NRDC: variants seen among roughly 807,000 people sequenced by gnomAD.
The protein encoded by NRDC is nardilysin convertase.
NRDC carries 54 observed loss-of-function variants against 147.1 expected under a neutral mutation model. The observed-to-expected ratio is 0.37, with a 90% CI of 0.29 to 0.46. NRDC has a LOEUF of 0.46. Ranked by LOEUF, NRDC falls within the 20% of genes least tolerant of loss-of-function variation. The probability of loss-of-function intolerance (pLI) is 1.00; values close to 1 mark genes in which losing one functional copy is unlikely to be tolerated. For missense variants in NRDC, 1,082 were observed against 1,370.6 expected (o/e 0.79, Z 3.33); for synonymous variants, 440 against 482.1 (o/e 0.91, Z 1.14).
In NRDC at chr1:51,823,790, T is replaced by A. The variant is rs1240550051; in HGVS notation, c.1037-4A>T. On this transcript the variant is annotated splice_region_variant and splice_polypyrimidine_tract_variant and intron_variant, in intron 6 of 30. Coordinates refer to ENST00000352171, the MANE Select transcript of NRDC (RefSeq NM_001101662.2). ...TGCTTGAGCGTCTCAGCATTTCCTA[T>A]AAAAGAATGAAAAAAATTATAGATA... The A allele has an allele frequency of 2.5e-6, 4 of 1,578,936 alleles. No homozygotes were observed. Among genetic ancestry groups the A allele is most frequent in the Middle Eastern group, 1.7e-4 (1 of 5,742 alleles).
intron 1 of NRDC, among the ~76,000 whole-genome samples, chr1:51,850,005 C>T (rs1681864843): frequency 1.3e-5 from 2 of 151,912 alleles, no homozygotes; most frequent in Admixed American, 6.6e-5. Context: ...ATGGCGAAAC[C>T]CTTCGCTACT....
intron 26 of NRDC, 24 bp downstream of exon 26, chr1:51,792,022 C>T: frequency 6.2e-7 from 1 of 1,613,794 alleles, no homozygotes; most frequent in African/African-American, 1.3e-5. Context: ...TATTTGAGCT[C>T]AGTGGCCCTG....
intron 29 of NRDC, chr1:51,789,957 G>A: frequency 2.7e-6 from 1 of 376,606 alleles, no homozygotes; most frequent in South Asian, 3.5e-5. Context: ...CCAATTACAT[G>A]GTAGCTGCAT....
intron 22 of NRDC, chr1:51,795,489 G>C: frequency 4.7e-6 from 1 of 211,264 alleles, no homozygotes; most frequent in South Asian, 7.8e-5. Flanking sequence ...AGAAACTAAG[G>C]CTGGTTCTGG....
intron 1 of NRDC, among the ~76,000 whole-genome samples, chr1:51,861,954 G>A (rs1239428474): frequency 6.6e-6 from 1 of 152,060 alleles, no homozygotes; most frequent in African/African-American, 2.4e-5. Flanking sequence ...GGGCCAGGTG[G>A]GTCAAAGCTC....
intron 29 of NRDC, 166 bp from the exon 30 acceptor site, chr1:51,789,823 T>G (rs2149181081): frequency 3.3e-6 from 2 of 605,904 alleles, no homozygotes; most frequent in South Asian, 2.0e-5. Context: ...ATGATGAAGC[T>G]CTCTGGCATG....
At chr1:51,846,316 G>T (rs890732805) in intron 1 of NRDC, among the ~76,000 whole-genome samples, 1 of 152,134 alleles carries the variant, frequency 6.6e-6, no homozygotes, top group South Asian at 2.1e-4. Flanking sequence ...TTTTCACCAT[G>T]TTGGCCAGGC....
chr1:51,878,093 T>C, intron 1 of NRDC, 182 bp downstream of exon 1: 1 of 1,421,302 alleles, frequency 7.0e-7, no homozygotes. Context: ...GATCTCCCAC[T>C]TGCCCAGCTG....
At chr1:51,802,034 G>A (rs1304489931) in intron 20 of NRDC, among the ~76,000 whole-genome samples, 4 of 152,128 alleles carry the variant, frequency 2.6e-5, no homozygotes, top group Non-Finnish European at 5.9e-5. Context: ...TGATCCGCCC[G>A]CCTCAGCCTC....
chr1:51,861,680 A>G (rs1682552655), intron 1 of NRDC, among the ~76,000 whole-genome samples: 1 of 152,144 alleles, frequency 6.6e-6, no homozygotes, highest in South Asian at 2.1e-4. Flanking sequence ...CAGAAAACAT[A>G]CACTGAAAAT....
At chr1:51,856,204 C>G (rs546778177) in intron 1 of NRDC, among the ~76,000 whole-genome samples, 1 of 152,266 alleles carries the variant, frequency 6.6e-6, no homozygotes, top group Admixed American at 6.5e-5. Flanking sequence ...GAAAAACTCT[C>G]AAACGGTTTT....
intron 1 of NRDC, among the ~76,000 whole-genome samples, chr1:51,874,855 T>C (rs965995568): frequency 9.2e-5 from 14 of 152,218 alleles, no homozygotes; most frequent in African/African-American, 3.4e-4. Flanking sequence ...ACACATATGC[T>C]GAAGTAAAAT....
At chr1:51,837,570 C>T in intron 2 of NRDC, 1 of 1,595,146 alleles carries the variant, frequency 6.3e-7, no homozygotes. Flanking sequence ...TTGACTTAAA[C>T]CACAGTCTAT....
chr1:51,874,197 C>T (rs1248107440), intron 1 of NRDC, among the ~76,000 whole-genome samples: 1 of 150,986 alleles, frequency 6.6e-6, no homozygotes, highest in East Asian at 1.9e-4. Context: ...CTTTCCTTCT[C>T]CATAGAAATA....
intron 1 of NRDC, among the ~76,000 whole-genome samples, chr1:51,851,373 T>G (rs1018901655): frequency 1.4e-4 from 21 of 151,868 alleles, no homozygotes; most frequent in African/African-American, 5.1e-4. Flanking sequence ...GAAAATCTAT[T>G]TAATACTTAA....
Position 51,789,512 on chromosome 1 carries a change from AACTC to A in NRDC, c.3258+52_3258+55del, listed in dbSNP as rs1392687589. ...TAAGAGTTCTGATGATAACCACCCA[AACTC>A]ACTCAGTAAATGACAACCCTAGAAT... On this transcript the variant is annotated intron_variant, in intron 30 of 30. Coordinates refer to ENST00000352171, the MANE Select transcript of NRDC (RefSeq NM_001101662.2). 36 of 1,590,010 alleles carry A rather than the reference AACTC, an allele frequency of 2.3e-5. No individual in the cohort carries two copies. In the Admixed American group the frequency reaches 4.0e-4, roughly 18 times the overall value.
Position 51,794,481 on chromosome 1 carries a change from C to T in NRDC, c.2766G>A (p.Val922=), listed in dbSNP as rs1678794918. Residue 922 remains valine (V), a synonymous_variant, in exon 24 of 31, where the codon GTG becomes GTA. Coordinates refer to ENST00000352171, the MANE Select transcript of NRDC (RefSeq NM_001101662.2). ...NKGDANSEVT[V]YYQSGTRSLR... Reference sequence around the variant, plus strand: ...AGTACACCCAACTGACCTGGTAGTACACAGTGACTTCAGAGTTGGCATCAC... The same window carrying T: ...AGTACACCCAACTGACCTGGTAGTATACAGTGACTTCAGAGTTGGCATCAC... 1.2e-6 allele frequency: 2 copies of T among 1,614,058 alleles called. No homozygotes were observed. The highest frequency in any genetic ancestry group is 1.1e-5 in the South Asian group (1 of 91,094).
At chr1:51,827,461 T>G (rs1477719726) in intron 5 of NRDC, among the ~76,000 whole-genome samples, 1 of 152,224 alleles carries the variant, frequency 6.6e-6, no homozygotes, top group African/African-American at 2.4e-5. Flanking sequence ...TTAAGGAATA[T>G]TTATAGCACA....
intron 6 of NRDC, 113 bp downstream of exon 6, chr1:51,825,173 AG>A (rs1680389928): frequency 1.4e-6 from 1 of 704,658 alleles, no homozygotes; most frequent in African/African-American, 1.8e-5. Context: ...CTATCCTAAA[AG>A]GTAAAAGGTA....
Sources: gnomAD v4.1 joint callset for allele counts (sites outside exome capture counted in the v4.1 genomes callset) on GRCh38, gnomAD v4.1.1 for gene constraint, MANE v1.5 for transcripts, NCBI Gene and HGNC (gene_info 2026-07-23, HGNC 2026-07-21) for gene names.